WWC1: variants seen among roughly 807,000 people sequenced by gnomAD.
WWC1 encodes WW and C2 domain containing 1.
A neutral mutation model predicts 138.4 loss-of-function variants in WWC1; 55 were observed. That is an observed-to-expected ratio of 0.40 (90% CI 0.32 to 0.50). The LOEUF (loss-of-function observed/expected upper bound fraction) is 0.50. Ranked by LOEUF, WWC1 falls within the 20% of genes least tolerant of loss-of-function variation. The pLI is 0.72. For synonymous variants in WWC1, 524 were observed against 564.9 expected (o/e 0.93, Z 1.03); for missense variants, 1,226 against 1,420.4 (o/e 0.86, Z 2.20).
At chr5:168,363,864 G>A (rs1277949479) in intron 1 of WWC1, among the ~76,000 whole-genome samples, 1 of 152,224 alleles carries the variant, frequency 6.6e-6, no homozygotes, top group South Asian at 2.1e-4. Context: ...GGACCCAGAT[G>A]GCTGACTCCA....
Position 168,366,802 on chromosome 5 carries a change from CTTTTTTT to C in WWC1, c.120-4603_120-4597del, listed in dbSNP as rs202012790. 1.6e-3 allele frequency among the ~76,000 whole-genome samples: 164 copies of C among 100,544 alleles called. 3 individuals are homozygous for C. The South Asian group carries it at 0.019, about 12-fold the overall frequency. The allele number at this position is 100,544 out of a possible 152,430, so 66.0% of individuals were successfully genotyped here. A position where few individuals can be genotyped will look rare whatever the true frequency, so the allele number is the denominator to read the frequency against. On this transcript the variant is annotated intron_variant, in intron 1 of 22. Coordinates refer to ENST00000265293, the MANE Select transcript of WWC1 (RefSeq NM_015238.3). Reference sequence around the variant, plus strand: ...CATTTGTATTAATGACTTTGAAACACTTTTTTTTTTTTTTTTTTTTTTTTTGAGATGG... The same window carrying C: ...CATTTGTATTAATGACTTTGAAACACTTTTTTTTTTTTTTTTTTGAGATGG...
At chr5:168,467,794 C>T (rs761067504) in intron 21 of WWC1, 46 bp from the exon 22 acceptor site, 1 of 1,612,654 alleles carries the variant, frequency 6.2e-7, no homozygotes, top group Admixed American at 1.7e-5. Flanking sequence ...TTGCCCCTTT[C>T]TGGAGGCCCC....
chr5:168,321,831 C>A (rs1772142633), intron 1 of WWC1, among the ~76,000 whole-genome samples: 1 of 152,242 alleles, frequency 6.6e-6, no homozygotes, highest in African/African-American at 2.4e-5. Flanking sequence ...GCCACGGTGC[C>A]CAGCCGGTGA....
At chr5:168,390,806 T>C (rs1385629968) in intron 3 of WWC1, among the ~76,000 whole-genome samples, 5 of 152,226 alleles carry the variant, frequency 3.3e-5, no homozygotes, top group South Asian at 2.1e-4. Flanking sequence ...TGGTGTAATC[T>C]CTAGCTCCAT....
At chr5:168,389,572 C>G (rs1778315091) in intron 3 of WWC1, among the ~76,000 whole-genome samples, 1 of 142,252 alleles carries the variant, frequency 7.0e-6, no homozygotes, top group African/African-American at 2.6e-5. Context: ...GTCTCAGAAT[C>G]TTTATGTTTA....
intron 17 of WWC1, among the ~76,000 whole-genome samples, chr5:168,452,468 C>G (rs1377839777): frequency 6.6e-6 from 1 of 152,178 alleles, no homozygotes; most frequent in Non-Finnish European, 1.5e-5. Context: ...ACTGTGTGAG[C>G]ACGCTGCAAG....
chr5:168,420,239 C>G (rs142503081), intron 9 of WWC1, among the ~76,000 whole-genome samples: 2 of 152,270 alleles, frequency 1.3e-5, no homozygotes, highest in Admixed American at 6.5e-5. Flanking sequence ...AGTCTGGAAG[C>G]TAAAAGTCCA....
At chr5:168,445,388 A>G (rs529493943) in intron 17 of WWC1, among the ~76,000 whole-genome samples, 4 of 151,248 alleles carry the variant, frequency 2.6e-5, no homozygotes, top group African/African-American at 9.7e-5. Context: ...GTGAAACCTC[A>G]TCTCAAAAAA....
At chr5:168,351,563 G>A (rs1774957494) in intron 1 of WWC1, among the ~76,000 whole-genome samples, 1 of 152,224 alleles carries the variant, frequency 6.6e-6, no homozygotes, top group African/African-American at 2.4e-5. Flanking sequence ...AAGGAGGGGT[G>A]CAGGTGAAGG....
intron 18 of WWC1, among the ~76,000 whole-genome samples, chr5:168,454,745 G>T (rs1248588240): frequency 6.6e-6 from 1 of 152,186 alleles, no homozygotes; most frequent in Non-Finnish European, 1.5e-5. Flanking sequence ...CACCAAGGGG[G>T]CATCATTTTG....
intron 3 of WWC1, among the ~76,000 whole-genome samples, chr5:168,388,136 C>T (rs912200113): frequency 2.0e-5 from 3 of 152,080 alleles, no homozygotes; most frequent in African/African-American, 4.8e-5. Flanking sequence ...TTAGCATGAC[C>T]AATAATGAGA....
chr5:168,435,024 G>A (rs772679748), intron 15 of WWC1, among the ~76,000 whole-genome samples: 5 of 152,090 alleles, frequency 3.3e-5, no homozygotes, highest in East Asian at 3.9e-4. Flanking sequence ...ACACAACCAC[G>A]CTGTATGGTA....
intron 2 of WWC1, among the ~76,000 whole-genome samples, chr5:168,381,854 A>AAGCAATTT (rs1777660862): frequency 6.6e-6 from 1 of 151,102 alleles, no homozygotes; most frequent in Admixed American, 6.6e-5. Context: ...AAAAAAAAAA[A>AAGCAATTT]AGCAATTTCA....
At chr5:168,452,906 C>T (rs1755960933) in intron 17 of WWC1, among the ~76,000 whole-genome samples, 1 of 152,088 alleles carries the variant, frequency 6.6e-6, no homozygotes, top group Non-Finnish European at 1.5e-5. Flanking sequence ...GCAATATAGC[C>T]ATCCAATGGA....
chr5:168,324,307 C>T (rs1180812441), intron 1 of WWC1, among the ~76,000 whole-genome samples: 1 of 152,066 alleles, frequency 6.6e-6, no homozygotes, highest in African/African-American at 2.4e-5. Context: ...GTGGTGCTCA[C>T]CTGCAGTCCC....
At chr5:168,331,918 G>A (rs929780714) in intron 1 of WWC1, among the ~76,000 whole-genome samples, 5 of 152,116 alleles carry the variant, frequency 3.3e-5, no homozygotes, top group African/African-American at 1.2e-4. Context: ...GGCCAAGGCG[G>A]GTGGATCACT....
intron 15 of WWC1, among the ~76,000 whole-genome samples, chr5:168,441,441 A>C (rs1754753453): frequency 6.6e-6 from 1 of 152,182 alleles, no homozygotes. Flanking sequence ...TTTTTAATTA[A>C]AAAAATTCAT....
chr5:168,444,855 A>G (rs1452702800), intron 17 of WWC1, among the ~76,000 whole-genome samples: 2 of 94,366 alleles, frequency 2.1e-5, no homozygotes, highest in African/African-American at 1.0e-4. Context: ...AGTGACATTT[A>G]TTTTGCTAAA....
intron 1 of WWC1, among the ~76,000 whole-genome samples, chr5:168,309,429 C>T (rs116368911): frequency 0.012 from 1,901 of 152,240 alleles, 21 homozygotes; most frequent in Non-Finnish European, 0.021. Context: ...GGCATGGTTC[C>T]CATGCTTAAG....
Sources: allele counts gnomAD v4.1 joint callset (sites outside exome capture counted in the v4.1 genomes callset), GRCh38; gene constraint gnomAD v4.1.1; transcripts MANE v1.5; gene names NCBI Gene and HGNC (gene_info 2026-07-23, HGNC 2026-07-21).